The following PAPPA2 variants were observed in gnomAD, a reference collection of about 807,000 sequenced individuals.
PAPPA2 encodes the protein pappalysin 2.
In PAPPA2, 86 loss-of-function variants were observed where a neutral mutation model predicts 176.4. That is an observed-to-expected ratio of 0.49 (90% CI 0.41 to 0.58). PAPPA2 has a LOEUF of 0.58. PAPPA2 is among the 20% of genes least tolerant of loss of function. The pLI is 0.00. For missense variants in PAPPA2, 2,073 were observed against 2,256.9 expected, an observed-to-expected ratio of 0.92 and a Z score of 1.65; for synonymous variants, 809 against 852.2, an observed-to-expected ratio of 0.95 and a Z score of 0.88.
rs185806408 is a variant in PAPPA2 at position 176,671,019 on chromosome 1, A to G, written c.2041A>G (p.Thr681Ala). Residue 681 changes from threonine (T) to alanine (A), a missense_variant, in exon 4 of 23, where the codon ACT becomes GCT. Physicochemically the swap from Thr to Ala is moderately conservative, Grantham distance 58. Around this residue, in one of 4 missense-constraint regions of PAPPA2, gnomAD observed 1,196 missense variants for 1,330.4 expected, o/e 0.90. Transcript: ENST00000367662. ...ELKEALQLNS[T>A]HFLNIYFASS... ...GAAGGAGGCCCTGCAGCTGAACAGT[A>G]CTCACTTCCTCAACATCTACTTTGC... The G allele has an allele frequency of 1.9e-6, 3 of 1,613,948 alleles. No homozygotes were observed. Among genetic ancestry groups the G allele is most frequent in the African/African-American group, 2.7e-5 (2 of 75,008 alleles).
chr1:176,465,446 A>G (rs1030167934), intron 1 of PAPPA2, among the ~76,000 whole-genome samples: 1 of 151,496 alleles, frequency 6.6e-6, no homozygotes, highest in Non-Finnish European at 1.5e-5. Flanking sequence ...ACAGGTGACA[A>G]CGTTTATTTG....
At chr1:176,576,997 G>C (rs1458933130) in intron 2 of PAPPA2, among the ~76,000 whole-genome samples, 1 of 152,178 alleles carries the variant, frequency 6.6e-6, no homozygotes, top group East Asian at 1.9e-4. Context: ...AGGTCTGTGT[G>C]CAATTTCAGC....
rs140943210 is a variant in PAPPA2 at position 176,742,633 on chromosome 1, G to A, written c.4151+2437G>A. 6.6e-3 allele frequency among the ~76,000 whole-genome samples: 1,007 copies of A among 152,206 alleles called. 15 individuals are homozygous for A. The highest frequency in any genetic ancestry group is 0.023 in the African/African-American group (938 of 41,516). On this transcript the variant is annotated intron_variant, in intron 14 of 22. Coordinates refer to ENST00000367662, the MANE Select transcript of PAPPA2 (RefSeq NM_020318.3). ...ACAATGTAGTAAATTTTGATATACC[G>A]GGAGCCTGGTAAATCCCATATACTT...
At chr1:176,748,979 T>TA (rs1460017391) in intron 14 of PAPPA2, among the ~76,000 whole-genome samples, 34 of 152,330 alleles carry the variant, frequency 2.2e-4, no homozygotes, top group Admixed American at 2.0e-3. Flanking sequence ...ACACAAAAAT[T>TA]AAAAAGTTAT....
chr1:176,537,904 T>C (rs1197450431), intron 1 of PAPPA2, among the ~76,000 whole-genome samples: 1 of 152,156 alleles, frequency 6.6e-6, no homozygotes, highest in African/African-American at 2.4e-5. Flanking sequence ...CTGCATAATT[T>C]AATCTCATGT....
chr1:176,496,319 T>C (rs1003694044), intron 1 of PAPPA2, among the ~76,000 whole-genome samples: 3 of 152,142 alleles, frequency 2.0e-5, no homozygotes, highest in Non-Finnish European at 4.4e-5. Flanking sequence ...ATATATATGA[T>C]TTGATATATA....
rs781591007 is a variant in PAPPA2, at chr1:176,793,588, C to T, written c.5049C>T (p.Ile1683=). Residue 1683 remains isoleucine, a synonymous_variant, in exon 20 of 23, where the codon ATC becomes ATT. Transcript: ENST00000367662. ...IGAVCSPLCV[I]PPSDPVMLPE... is the part of the protein sequence containing the mutation. ...CAGTGTGTTCCCCATTGTGTGTAATCCCCCCCAGTGACCCCGTGATGCTAC... is the reference window on the plus strand; with the variant it reads ...CAGTGTGTTCCCCATTGTGTGTAATTCCCCCCAGTGACCCCGTGATGCTAC... 1.2e-6 allele frequency: 2 copies of T among 1,606,762 alleles called. No homozygotes were observed. Among genetic ancestry groups the T allele is most frequent in the Non-Finnish European group, 1.7e-6 (2 of 1,174,912 alleles).
intron 3 of PAPPA2, among the ~76,000 whole-genome samples, chr1:176,668,898 C>G (rs192464625): frequency 6.6e-6 from 1 of 151,966 alleles, no homozygotes; most frequent in Admixed American, 6.6e-5. Context: ...GTAATTTATG[C>G]GTGGAGAGAA....
intron 17 of PAPPA2, among the ~76,000 whole-genome samples, chr1:176,788,842 AT>A (rs1665052194): frequency 6.6e-6 from 1 of 152,184 alleles, no homozygotes; most frequent in Non-Finnish European, 1.5e-5. Context: ...CTCAGAAGTT[AT>A]TTTCCTTCTG....
chr1:176,556,231 C>A lies in PAPPA2; in HGVS notation c.-92C>A, dbSNP rs1021815410. The A allele has an allele frequency of 2.9e-6, 4 of 1,394,722 alleles. No individual in the cohort carries two copies. The highest frequency in any genetic ancestry group is 3.9e-6 in the Non-Finnish European group (4 of 1,027,008). 86.4% of individuals were successfully genotyped at this position (1,394,722 alleles called of 1,614,324 possible). A position where few individuals can be genotyped will look rare whatever the true frequency, so the allele number is the denominator to read the frequency against. On this transcript the variant is annotated 5_prime_UTR_variant, in exon 2 of 23. Coordinates refer to ENST00000367662, the MANE Select transcript of PAPPA2 (RefSeq NM_020318.3). ...AACAGTTTCCCTGGTGACTGCAAAT[C>A]CATTGCTAGCTGCCTCTTTCTCGTC...
intron 10 of PAPPA2, among the ~76,000 whole-genome samples, chr1:176,709,681 T>C (rs976918060): frequency 6.6e-6 from 1 of 152,216 alleles, no homozygotes; most frequent in Admixed American, 6.6e-5. Flanking sequence ...AAAATTTCTT[T>C]CCACACCCAG....
chr1:176,703,181 G>T (rs1660738539), intron 9 of PAPPA2, among the ~76,000 whole-genome samples: 1 of 152,146 alleles, frequency 6.6e-6, no homozygotes, highest in African/African-American at 2.4e-5. Flanking sequence ...GTGATCTGAG[G>T]AAATTCAGTA....
chr1:176,554,996 TGTGTGAGAGA>T (rs761573387), intron 1 of PAPPA2, among the ~76,000 whole-genome samples: 3 of 103,602 alleles, frequency 2.9e-5, no homozygotes, highest in Non-Finnish European at 6.3e-5. Flanking sequence ...TGTGTGTGTG[TGTGTGAGAGA>T]GAGAGAGAGA....
rs76103775 is a variant in PAPPA2, at chr1:176,633,154, G to A, written c.1991+37559G>A. On this transcript the variant is annotated intron_variant, in intron 3 of 22. Transcript: ENST00000367662. ...GCTGGAAGGCACTTGCTAGCATGAG[G>A]AGCGGCAGTCAGAGTGCATTATGAG... is the stretch of plus-strand genomic sequence containing the variant. Among the ~76,000 whole-genome samples, 27 of 152,326 alleles carry A rather than the reference G, an allele frequency of 1.8e-4. No homozygotes were observed. In the East Asian group the frequency reaches 5.2e-3, roughly 29 times the overall value.
At chr1:176,593,459 TG>T (rs1653776576) in intron 2 of PAPPA2, among the ~76,000 whole-genome samples, 1 of 152,238 alleles carries the variant, frequency 6.6e-6, no homozygotes, top group Non-Finnish European at 1.5e-5. Flanking sequence ...TGTGATGTAC[TG>T]ACTTCATGTG....
intron 3 of PAPPA2, among the ~76,000 whole-genome samples, chr1:176,646,910 C>A (rs974252387): frequency 6.6e-6 from 1 of 151,520 alleles, no homozygotes; most frequent in Non-Finnish European, 1.5e-5. Context: ...GATTTCTTTT[C>A]TGTTGAATAT....
intron 14 of PAPPA2, among the ~76,000 whole-genome samples, chr1:176,758,817 T>A (rs1407057465): frequency 1.3e-5 from 2 of 152,182 alleles, no homozygotes; most frequent in Non-Finnish European, 1.5e-5. Context: ...CTCTACCACA[T>A]CCTGCCTGTT....
At chr1:176,711,087 T>G (rs1661122141) in intron 11 of PAPPA2, among the ~76,000 whole-genome samples, 1 of 152,170 alleles carries the variant, frequency 6.6e-6, no homozygotes, top group South Asian at 2.1e-4. Context: ...CGCCTCTTAC[T>G]GGTCAGATCC....
At chr1:176,793,728 G>C (rs1365856369) in intron 20 of PAPPA2, 59 bp downstream of exon 20, 2 of 1,338,254 alleles carry the variant, frequency 1.5e-6, no homozygotes, top group Non-Finnish European at 2.1e-6. Context: ...AACACTTGGA[G>C]CATTATTTTT....
Sources: gnomAD v4.1 joint callset for allele counts (sites outside exome capture counted in the v4.1 genomes callset) on GRCh38, gnomAD v4.1.1 for gene constraint, gnomAD v4.1.1 regional missense constraint, MANE v1.5 for transcripts, NCBI Gene and HGNC (gene_info 2026-07-23, HGNC 2026-07-21) for gene names.